The following AMBRA1 variants were observed in gnomAD, a reference collection of about 807,000 sequenced individuals.
AMBRA1 encodes the protein autophagy and beclin 1 regulator 1.
Under a neutral mutation model 125.4 loss-of-function variants are expected in AMBRA1, and 47 were observed. The ratio of observed to expected loss-of-function variants is 0.37; its 90% CI spans 0.30 to 0.48. The LOEUF is 0.48. AMBRA1 is among the 20% of genes least tolerant of loss of function. AMBRA1 has a pLI of 0.99. For synonymous variants in AMBRA1, 626 were observed against 655.5 expected (o/e 0.95, Z 0.69); for missense variants, 1,331 against 1,693.4 (o/e 0.79, Z 3.76).
rs202029338 is a variant in AMBRA1 at position 46,494,144 on chromosome 11, C to G, written c.2400G>C (p.Ser800=). 2.5e-5 allele frequency: 40 copies of G among 1,608,188 alleles called. 1 individual carries two copies. The highest frequency in any genetic ancestry group is 1.7e-5 in the Admixed American group (1 of 59,418). Residue 800 remains serine, a synonymous_variant, in exon 10 of 18, where the codon TCG becomes TCC. Coordinates refer to ENST00000683756, the MANE Select transcript of AMBRA1 (RefSeq NM_001387011.1). ...APRNARMSAP[S]LGRFVPRRFL... is the part of the protein sequence containing the mutation. ...CTTACCTTGGGACAAAGCGTCCAAG[C>G]GAAGGTGCAGACATCCGGGCATTGC... is the stretch of plus-strand genomic sequence containing the variant.
chr11:46,434,263 A>G (rs1947603575), intron 13 of AMBRA1, among the ~76,000 whole-genome samples: 2 of 152,074 alleles, frequency 1.3e-5, no homozygotes, highest in African/African-American at 4.8e-5. Context: ...GTTCTGTAAG[A>G]GCATTTTAAG....
chr11:46,545,174 G>GT (rs1952955077), intron 5 of AMBRA1, among the ~76,000 whole-genome samples: 1 of 75,096 alleles, frequency 1.3e-5, no homozygotes, highest in Non-Finnish European at 2.7e-5. Flanking sequence ...GGGGGGGGGG[G>GT]TGGTGGTGGG....
intron 11 of AMBRA1, among the ~76,000 whole-genome samples, chr11:46,470,975 T>C (rs1025139903): frequency 6.6e-6 from 1 of 152,060 alleles, no homozygotes; most frequent in Admixed American, 6.5e-5. Flanking sequence ...GTAAGATCCA[T>C]GGAGAAATAT....
At chr11:46,444,249 A>G (rs1037307203) in intron 11 of AMBRA1, among the ~76,000 whole-genome samples, 2 of 152,216 alleles carry the variant, frequency 1.3e-5, no homozygotes, top group Non-Finnish European at 2.9e-5. Flanking sequence ...TATTTTTATT[A>G]AGGCCATCTT....
intron 9 of AMBRA1, among the ~76,000 whole-genome samples, chr11:46,502,455 A>G (rs1433189300): frequency 6.6e-6 from 1 of 152,228 alleles, no homozygotes; most frequent in African/African-American, 2.4e-5. Flanking sequence ...AATGAAGTAG[A>G]TAATACCTTA....
chr11:46,547,180 T>C lies in AMBRA1; in HGVS notation c.311A>G (p.His104Arg). 1 of 1,614,114 alleles carries C rather than the reference T, an allele frequency of 6.2e-7. No individual in the cohort carries two copies. The change falls in exon 4 of 18, where the codon CAT becomes CGT. Residue 104 changes from histidine to arginine, a missense_variant. Physicochemically the swap from His to Arg is conservative, Grantham distance 29 (BLOSUM62 0). This residue lies in a region of AMBRA1 where 144 missense variants were observed against 250.4 expected (regional missense o/e 0.58). Coordinates refer to ENST00000683756, the MANE Select transcript of AMBRA1 (RefSeq NM_001387011.1). Reference protein sequence around the residue: ...HRRTPWCVTFHPTISGLIASG... With the variant: ...HRRTPWCVTFRPTISGLIASG... ...AGCAATAAGGCCTGAGATGGTGGGA[T>C]GAAAAGTGACACACCATGGAGTACG...
At chr11:46,544,509 G>C (rs1952905854) in intron 5 of AMBRA1, among the ~76,000 whole-genome samples, 1 of 152,150 alleles carries the variant, frequency 6.6e-6, no homozygotes, top group Non-Finnish European at 1.5e-5. Context: ...GGAAATCCAA[G>C]AGGACCAAAG....
chr11:46,437,074 C>T (rs1458631479), intron 12 of AMBRA1, among the ~76,000 whole-genome samples: 1 of 152,114 alleles, frequency 6.6e-6, no homozygotes, highest in Non-Finnish European at 1.5e-5. Flanking sequence ...GGTCAAACAC[C>T]TAGAAGGCTA....
At chr11:46,522,097 A>T (rs1338165520) in intron 7 of AMBRA1, among the ~76,000 whole-genome samples, 1 of 152,246 alleles carries the variant, frequency 6.6e-6, no homozygotes, top group Non-Finnish European at 1.5e-5. Flanking sequence ...GGCTAGAAAC[A>T]GAATGTATAC....
Position 46,512,746 on chromosome 11 carries a change from T to C in AMBRA1, c.2140A>G (p.Ile714Val), listed in dbSNP as rs930185925. 9 of 1,613,404 alleles carry C rather than the reference T, an allele frequency of 5.6e-6. No individual in the cohort carries two copies. Among genetic ancestry groups the C allele is most frequent in the African/African-American group, 5.3e-5 (4 of 74,892 alleles). ...CCTTACCTCGCTGGGTCTGGGTAAATTGGGTGCTCTCTGGATCCTGCTCCA... is the reference window on the plus strand; with the variant it reads ...CCTTACCTCGCTGGGTCTGGGTAAACTGGGTGCTCTCTGGATCCTGCTCCA... ...YDGAGSREHP[I>V]YPDPARLSPA... is the part of the protein sequence containing the mutation. The change falls in exon 8 of 18, where the codon ATT becomes GTT. Residue 714 changes from isoleucine (I) to valine (V), a missense_variant. By Grantham distance (29) the Ile-to-Val change is conservative (BLOSUM62 3). Coordinates refer to ENST00000683756, the MANE Select transcript of AMBRA1 (RefSeq NM_001387011.1).
chr11:46,525,050 A>G (rs1951909699), intron 7 of AMBRA1, among the ~76,000 whole-genome samples: 1 of 152,266 alleles, frequency 6.6e-6, no homozygotes, highest in South Asian at 2.1e-4. Context: ...CTGTAATCCC[A>G]GCACTTTGGG....
At chr11:46,538,689 G>A (rs527881249) in intron 7 of AMBRA1, among the ~76,000 whole-genome samples, 10 of 152,122 alleles carry the variant, frequency 6.6e-5, no homozygotes, top group Admixed American at 6.6e-4. Context: ...ATAGAGACGC[G>A]GTTTTACCAT....
chr11:46,443,002 G>A (rs956690723), intron 12 of AMBRA1, among the ~76,000 whole-genome samples: 5 of 152,150 alleles, frequency 3.3e-5, no homozygotes, highest in Admixed American at 6.5e-5. Context: ...GATTACAGGC[G>A]TGAGCCACCG....
chr11:46,409,032 A>C (rs1946156620), intron 16 of AMBRA1, among the ~76,000 whole-genome samples: 1 of 152,222 alleles, frequency 6.6e-6, no homozygotes, highest in African/African-American at 2.4e-5. Context: ...GAAAAGACTA[A>C]TGAAATTCAG....
intron 9 of AMBRA1, among the ~76,000 whole-genome samples, chr11:46,505,669 G>C (rs922051153): frequency 6.6e-6 from 1 of 151,614 alleles, no homozygotes; most frequent in African/African-American, 2.4e-5. Flanking sequence ...GCTAAAGCCA[G>C]GGGAGGGGGT....
intron 11 of AMBRA1, among the ~76,000 whole-genome samples, chr11:46,484,805 A>T (rs1441953258): frequency 7.1e-6 from 1 of 141,356 alleles, no homozygotes. Context: ...CCACCACACC[A>T]GGCTAATTTT....
Position 46,433,563 on chromosome 11 carries a change from G to A in AMBRA1, c.2887C>T (p.Arg963Ter), listed in dbSNP as rs764989472. 3.1e-6 allele frequency: 5 copies of A among 1,614,188 alleles called. No homozygotes were observed. The highest frequency in any genetic ancestry group is 2.2e-5 in the East Asian group (1 of 44,884). Reference protein sequence around the residue: ...GRYVMVGLASRRILLHPSTEH... With the variant: ...GRYVMVGLAS ...GTGGAGGGGTGCAGCAGGATCCTTC[G>A]TGAGGCCAAGCCCACCATTACATAT... Residue 963 changes from arginine to a stop codon, truncating the protein, a stop_gained, in exon 14 of 18, where the codon CGA becomes TGA. Coordinates refer to ENST00000683756, the MANE Select transcript of AMBRA1 (RefSeq NM_001387011.1). LOFTEE classifies it high-confidence loss of function.
At chr11:46,425,711 C>G (rs1947094421) in intron 14 of AMBRA1, among the ~76,000 whole-genome samples, 1 of 151,942 alleles carries the variant, frequency 6.6e-6, no homozygotes, top group Non-Finnish European at 1.5e-5. Flanking sequence ...TGGTGGCATG[C>G]ACCTGTAATC....
At chr11:46,407,134 G>A (rs549169084) in intron 17 of AMBRA1, among the ~76,000 whole-genome samples, 64 of 152,172 alleles carry the variant, frequency 4.2e-4, no homozygotes, top group Admixed American at 3.7e-3. Context: ...AGCTGAGATC[G>A]CAGAGGCTGA....
Sources: allele counts gnomAD v4.1 joint callset (sites outside exome capture counted in the v4.1 genomes callset), GRCh38; gene constraint gnomAD v4.1.1; regional missense constraint gnomAD v4.1.1; transcripts MANE v1.5; gene names NCBI Gene and HGNC (gene_info 2026-07-23, HGNC 2026-07-21).